Variants in DMD observed in about 807,000 individuals in gnomAD.
DMD encodes the protein dystrophin, also known as mutant dystrophin.
Under a neutral mutation model 330.1 loss-of-function variants are expected in DMD, and 63 were observed. The ratio of observed to expected loss-of-function variants is 0.19; its 90% CI spans 0.16 to 0.24. DMD has a LOEUF of 0.24. Ranked by LOEUF, DMD falls within the 10% of genes least tolerant of loss-of-function variation. The probability of loss-of-function intolerance (pLI) is 1.00; values close to 1 mark genes in which losing one functional copy is unlikely to be tolerated. For missense variants in DMD, 3,344 were observed against 2,684.1 expected, an observed-to-expected ratio of 1.25 and a Z score of -5.43; for synonymous variants, 1,223 against 959.8, an observed-to-expected ratio of 1.27 and a Z score of -5.07.
Position 31,678,868 on chromosome X carries a change from G to T in DMD, c.7872+507C>A, listed in dbSNP as rs574298943. ...ACAGAAAACCAGCCAACTATATCCA[G>T]ATTACTAAACAAAATTAACTTTAAC... On this transcript the variant is annotated intron_variant, in intron 53 of 78. Coordinates refer to ENST00000357033, the MANE Select transcript of DMD (RefSeq NM_004006.3). 9.8e-5 allele frequency among the ~76,000 whole-genome samples: 11 copies of T among 111,767 alleles called. 1 individual carries two copies. Among genetic ancestry groups the T allele is most frequent in the Middle Eastern group, 9.2e-3 (2 of 217 alleles).
chrX:31,475,816 A>T (rs977973775), intron 59 of DMD, among the ~76,000 whole-genome samples: 1 of 111,674 alleles, frequency 9.0e-6, no homozygotes, highest in Non-Finnish European at 1.9e-5. Context: ...TACTATTTTA[A>T]TGAAGAGCTA....
At chrX:32,665,248 G>A (rs1419617090) in intron 9 of DMD, among the ~76,000 whole-genome samples, 2 of 111,765 alleles carry the variant, frequency 1.8e-5, no homozygotes, top group Admixed American at 9.5e-5. Context: ...TGCTAGAGAA[G>A]TGTAGTGTAC....
chrX:33,255,800 AC>A (rs1438143119), intron 1 of DMD, among the ~76,000 whole-genome samples: 2 of 111,708 alleles, frequency 1.8e-5, no homozygotes, highest in Non-Finnish European at 3.8e-5. Context: ...TACAATAAAA[AC>A]AAAAACAAAG....
chrX:33,041,305 G>T, intron 1 of DMD: 1 of 1,021,123 alleles, frequency 9.8e-7, no homozygotes, highest in South Asian at 2.0e-5. Context: ...GCGCGCCGGC[G>T]ACCAAGCCTA....
At chrX:32,217,954 CCTT>C (rs770691212) in intron 43 of DMD, among the ~76,000 whole-genome samples, 3 of 111,601 alleles carry the variant, frequency 2.7e-5, no homozygotes, top group African/African-American at 9.7e-5. Context: ...CTTCTTTAAT[CCTT>C]CTTATTTTAT....
intron 7 of DMD, among the ~76,000 whole-genome samples, chrX:32,781,929 C>G (rs2074806046): frequency 9.0e-6 from 1 of 111,359 alleles, no homozygotes; most frequent in Non-Finnish European, 1.9e-5. Flanking sequence ...GTATTCTCCT[C>G]AAACTAAGAT....
intron 55 of DMD, among the ~76,000 whole-genome samples, chrX:31,527,026 A>T (rs1287565168): frequency 1.8e-5 from 2 of 110,825 alleles, no homozygotes; most frequent in East Asian, 5.7e-4. Flanking sequence ...GGGAGGGAGG[A>T]TCACCTGAGC....
rs772292361 is a variant in DMD at position 31,832,695 on chromosome X, C to T, written c.7200+4023G>A. Among the ~76,000 whole-genome samples the T allele has an allele frequency of 8.9e-5, 10 of 112,325 alleles. No homozygotes were observed. In the East Asian group the frequency reaches 2.5e-3, roughly 28 times the overall value. On this transcript the variant is annotated intron_variant, in intron 49 of 78. Coordinates refer to ENST00000357033, the MANE Select transcript of DMD (RefSeq NM_004006.3). ...CATATTACTAGGTTTGTGTAAGTAA[C>T]ATTTTTTGATAATATAAAAAGTTAG... is the stretch of plus-strand genomic sequence containing the variant.
At chrX:31,933,509 A>AT (rs5901997) in intron 45 of DMD, among the ~76,000 whole-genome samples, 49,330 of 110,239 alleles carry the variant, frequency 0.45, 9,716 homozygotes, top group African/African-American at 0.78. Context: ...ATAATTGAAA[A>AT]TTTTTTGTTT....
chrX:32,046,232 A>G (rs893579346), intron 44 of DMD, among the ~76,000 whole-genome samples: 1 of 112,498 alleles, frequency 8.9e-6, no homozygotes, highest in African/African-American at 3.2e-5. Context: ...AGTTGTCCAC[A>G]TAGAACTAAT....
intron 48 of DMD, among the ~76,000 whole-genome samples, chrX:31,859,578 T>C (rs1005129072): frequency 5.4e-5 from 6 of 112,008 alleles, no homozygotes; most frequent in African/African-American, 1.9e-4. Context: ...TGGCTCTAGA[T>C]AGGATATAGT....
At chrX:32,217,938 C>T (rs143420619) in intron 43 of DMD, among the ~76,000 whole-genome samples, 60 of 111,669 alleles carry the variant, frequency 5.4e-4, no homozygotes, top group African/African-American at 1.7e-3. Flanking sequence ...CTAAACTATG[C>T]GATGCCTTCT....
At chrX:31,200,630 G>A (rs942974766) in intron 67 of DMD, among the ~76,000 whole-genome samples, 6 of 111,635 alleles carry the variant, frequency 5.4e-5, no homozygotes, top group Admixed American at 4.8e-4. Context: ...TGAAACCAGA[G>A]TAGGAAAGGT....
intron 2 of DMD, among the ~76,000 whole-genome samples, chrX:32,982,317 C>G (rs775887164): frequency 5.4e-5 from 6 of 111,636 alleles, no homozygotes; most frequent in African/African-American, 2.0e-4. Context: ...ACCAACCTAG[C>G]ACTGTACATG....
intron 54 of DMD, among the ~76,000 whole-genome samples, chrX:31,648,082 G>T (rs2080208699): frequency 9.0e-6 from 1 of 111,520 alleles, no homozygotes; most frequent in Non-Finnish European, 1.9e-5. Flanking sequence ...AATGTGGTAA[G>T]ATTTTTTTAA....
intron 1 of DMD, among the ~76,000 whole-genome samples, chrX:33,195,094 G>A (rs1159673750): frequency 9.0e-6 from 1 of 111,260 alleles, no homozygotes; most frequent in South Asian, 3.7e-4. Context: ...CAGACACTAA[G>A]TTTCCTTTTA....
At chrX:32,327,215 T>C (rs1381650350) in intron 41 of DMD, among the ~76,000 whole-genome samples, 3 of 110,299 alleles carry the variant, frequency 2.7e-5, no homozygotes, top group Non-Finnish European at 5.7e-5. Context: ...AAGAGATAAT[T>C]AAGTTTATTA....
chrX:33,107,745 CATTT>C (rs1437900892), intron 1 of DMD, among the ~76,000 whole-genome samples: 6 of 111,460 alleles, frequency 5.4e-5, no homozygotes, highest in African/African-American at 2.0e-4. Context: ...CCTAAAGATT[CATTT>C]ATTTATTCAT....
At chrX:32,887,574 C>A (rs2084730867) in intron 2 of DMD, among the ~76,000 whole-genome samples, 1 of 104,660 alleles carries the variant, frequency 9.6e-6, no homozygotes, top group Non-Finnish European at 1.9e-5. Context: ...ATGGCGAAAC[C>A]CCGTCTCTAC....
Sources: gnomAD v4.1 joint callset for allele counts (sites outside exome capture counted in the v4.1 genomes callset) on GRCh38, gnomAD v4.1.1 for gene constraint, MANE v1.5 for transcripts, NCBI Gene and HGNC (gene_info 2026-07-23, HGNC 2026-07-21) for gene names.